Variants in INTU observed in about 807,000 individuals in gnomAD.
INTU encodes the protein protein inturned.
A neutral mutation model predicts 100.5 loss-of-function variants in INTU; 68 were observed. That is an observed-to-expected ratio of 0.68 (90% CI 0.56 to 0.83). The LOEUF is 0.83. Among genes scored for constraint, INTU ranks in the 40% least tolerant of loss-of-function variants. The pLI, the probability that INTU is intolerant of heterozygous loss-of-function variation, is 0.00. For synonymous variants in INTU, 357 were observed against 395.7 expected, an observed-to-expected ratio of 0.90 and a Z score of 1.16; for missense variants, 1,071 against 1,114.7, an observed-to-expected ratio of 0.96 and a Z score of 0.56.
At chr4:127,646,775 T>C (rs1727610682) in intron 2 of INTU, among the ~76,000 whole-genome samples, 1 of 152,090 alleles carries the variant, frequency 6.6e-6, no homozygotes, top group Non-Finnish European at 1.5e-5. Context: ...GCCTTAATTC[T>C]CTCTAGTTTG....
intron 5 of INTU, among the ~76,000 whole-genome samples, chr4:127,672,198 A>G (rs1028154381): frequency 1.3e-4 from 20 of 152,158 alleles, no homozygotes; most frequent in Non-Finnish European, 2.5e-4. Context: ...ATTCACAGAT[A>G]TGCGCAACCC....
At chr4:127,684,579 T>C (rs1729727938) in intron 7 of INTU, 93 bp downstream of exon 7, 1 of 695,956 alleles carries the variant, frequency 1.4e-6, no homozygotes, top group South Asian at 2.0e-5. Context: ...GACAGGTTAG[T>C]TATTTGTCTC....
Position 127,669,152 on chromosome 4 carries a change from TA to T in INTU, c.1090del (p.Ser364ValfsTer6). ...LENVTGTQVT[S>X]SSLLLNGKQI... ...AAAACGTAACTGGGACACAAGTTAC[TA>T]GGTAATAATTTTTATTTAGCTTTAA... is the stretch of plus-strand genomic sequence containing the variant. On this transcript the variant is annotated frameshift_variant and splice_region_variant, in exon 5 of 16. Coordinates refer to ENST00000335251, the MANE Select transcript of INTU (RefSeq NM_015693.4). LOFTEE classifies it high-confidence loss of function. The T allele has an allele frequency of 7.2e-7, 1 of 1,392,262 alleles. No homozygotes were observed. The highest frequency in any genetic ancestry group is 1.3e-5 in the South Asian group (1 of 76,848). 86.2% of individuals were successfully genotyped at this position (1,392,262 alleles called of 1,614,324 possible).
At chr4:127,655,034 A>G (rs1303874060) in intron 2 of INTU, among the ~76,000 whole-genome samples, 2 of 151,912 alleles carry the variant, frequency 1.3e-5, no homozygotes, top group African/African-American at 4.8e-5. Flanking sequence ...AGGCTTCTGC[A>G]TTCTTCACGT....
chr4:127,699,736 G>A (rs970642694), intron 8 of INTU, among the ~76,000 whole-genome samples: 2 of 152,170 alleles, frequency 1.3e-5, no homozygotes, highest in African/African-American at 4.8e-5. Flanking sequence ...CCATTTTGCA[G>A]TTATTGAGAT....
At chr4:127,667,411 C>T (rs988983429) in intron 4 of INTU, among the ~76,000 whole-genome samples, 1 of 152,078 alleles carries the variant, frequency 6.6e-6, no homozygotes, top group Non-Finnish European at 1.5e-5. Flanking sequence ...GCTTTTATGA[C>T]TGGAATAGAG....
At position 127,708,632 on chromosome 4, in the gene INTU, T is replaced by A. The variant is rs756003771; in HGVS notation, c.2333T>A (p.Leu778His). 6.3e-7 allele frequency: 1 copy of A among 1,596,210 alleles called. No homozygotes were observed. Among genetic ancestry groups the A allele is most frequent in the Non-Finnish European group, 8.6e-7 (1 of 1,166,994 alleles). Residue 778 changes from leucine to histidine, a missense_variant, in exon 13 of 16, where the codon CTT (leucine) becomes CAT (histidine). Physicochemically the swap from Leu to His is moderately conservative, Grantham distance 99 (BLOSUM62 -3). Transcript: ENST00000335251. ...PFHLGNLKKD[L>H]PEKELEIYNT... ...CATTTGGGAAACTTGAAAAAGGACC[T>A]TCCAGAAAAAGAATTAGAAATATAT... is the stretch of plus-strand genomic sequence containing the variant.
chr4:127,709,134 G>A (rs1049120586), intron 13 of INTU, among the ~76,000 whole-genome samples: 1 of 152,144 alleles, frequency 6.6e-6, no homozygotes, highest in African/African-American at 2.4e-5. Context: ...ACTCAGCTAA[G>A]GTTACATTCC....
chr4:127,693,877 T>G lies in INTU; in HGVS notation c.1449+6010T>G, dbSNP rs149762194. 6.5e-3 allele frequency among the ~76,000 whole-genome samples: 990 copies of G among 152,278 alleles called. 7 individuals carry two copies. Among genetic ancestry groups the G allele is most frequent in the Middle Eastern group, 0.02 (6 of 294 alleles). On this transcript the variant is annotated intron_variant, in intron 8 of 15. Transcript: ENST00000335251. The stretch of plus-strand genomic sequence containing the variant: ...TCTGTTTATGTAGTGTATCATTTAT[T>G]GACTTATGTATGTTAAACCATCCCT...
chr4:127,681,335 C>T (rs1729535464), intron 6 of INTU, among the ~76,000 whole-genome samples: 1 of 148,820 alleles, frequency 6.7e-6, no homozygotes, highest in African/African-American at 2.6e-5. Flanking sequence ...AGGCATCACC[C>T]TACCTGACTT....
intron 3 of INTU, among the ~76,000 whole-genome samples, chr4:127,658,909 G>T (rs1486113558): frequency 6.6e-6 from 1 of 152,034 alleles, no homozygotes; most frequent in African/African-American, 2.4e-5. Context: ...ATCAGTGGGA[G>T]CCCTGAGCTT....
At chr4:127,700,686 G>C (rs1730609046) in intron 9 of INTU, among the ~76,000 whole-genome samples, 2 of 152,006 alleles carry the variant, frequency 1.3e-5, no homozygotes, top group South Asian at 2.1e-4. Flanking sequence ...ACTTGAAGAG[G>C]CTCCCTGTTG....
intron 6 of INTU, among the ~76,000 whole-genome samples, chr4:127,679,716 A>T (rs374186966): frequency 0.014 from 2,130 of 152,066 alleles, 36 homozygotes; most frequent in Admixed American, 0.047. Context: ...GAGCAAACAC[A>T]TTCAAAAGCT....
chr4:127,639,098 T>A (rs1294593387), intron 1 of INTU, among the ~76,000 whole-genome samples: 3 of 152,166 alleles, frequency 2.0e-5, no homozygotes, highest in Admixed American at 2.0e-4. Flanking sequence ...ACAACTATTA[T>A]GCATTTGTCA....
At chr4:127,642,308 G>C (rs992949587) in intron 1 of INTU, among the ~76,000 whole-genome samples, 1 of 152,204 alleles carries the variant, frequency 6.6e-6, no homozygotes, top group Non-Finnish European at 1.5e-5. Flanking sequence ...CCAAAGAAAT[G>C]TTAGTTTTGA....
intron 6 of INTU, among the ~76,000 whole-genome samples, chr4:127,676,422 C>T (rs1283794730): frequency 6.6e-6 from 1 of 151,948 alleles, no homozygotes; most frequent in East Asian, 1.9e-4. Flanking sequence ...CCCGTCTCTT[C>T]AGCAAATACA....
intron 10 of INTU, among the ~76,000 whole-genome samples, chr4:127,704,863 A>C (rs1730809987): frequency 6.6e-6 from 1 of 152,026 alleles, no homozygotes; most frequent in African/African-American, 2.4e-5. Context: ...CGAGGCAGGC[A>C]GAACACCAGA....
intron 2 of INTU, among the ~76,000 whole-genome samples, chr4:127,653,740 A>T (rs1384746230): frequency 2.0e-5 from 3 of 150,140 alleles, no homozygotes; most frequent in African/African-American, 7.5e-5. Context: ...TATTAGGTCC[A>T]CTTGGTGCAG....
chr4:127,663,413 G>A lies in INTU; in HGVS notation c.801G>A (p.Val267=), dbSNP rs949834140. Residue 267 remains valine, a synonymous_variant, in exon 4 of 16, where the codon GTG becomes GTA. Coordinates refer to ENST00000335251, the MANE Select transcript of INTU (RefSeq NM_015693.4). ...VKLTFENAYD[V]KRETSHPRQK... ...TGACATTTGAAAATGCATATGATGT[G>A]AAAAGGGAGACGTCCCATCCAAGAC... 3.7e-6 allele frequency: 6 copies of A among 1,613,024 alleles called. No individual in the cohort carries two copies. The highest frequency in any genetic ancestry group is 5.1e-6 in the Non-Finnish European group (6 of 1,179,290).
Sources: allele counts gnomAD v4.1 joint callset (sites outside exome capture counted in the v4.1 genomes callset), GRCh38; gene constraint gnomAD v4.1.1; transcripts MANE v1.5; gene names NCBI Gene and HGNC (gene_info 2026-07-23, HGNC 2026-07-21).